Variants in RBFOX1 observed in about 807,000 individuals in gnomAD.
RBFOX1 encodes RNA binding fox-1 homolog 1.
In RBFOX1, 8 loss-of-function variants were observed where a neutral mutation model predicts 57.7. That is an observed-to-expected ratio of 0.14 (90% CI 0.08 to 0.25). RBFOX1 has a LOEUF of 0.25. RBFOX1 is among the 10% of genes least tolerant of loss of function. The pLI, the probability that RBFOX1 is intolerant of heterozygous loss-of-function variation, is 1.00. For synonymous variants in RBFOX1, 326 were observed against 222.4 expected (o/e 1.47, Z -4.15); for missense variants, 611 against 548.5 (o/e 1.11, Z -1.14).
chr16:7,694,980 G>A lies in RBFOX1; in HGVS notation c.996-14076G>A, dbSNP rs766833165. Among the ~76,000 whole-genome samples the A allele has an allele frequency of 3.1e-4, 47 of 152,230 alleles. 1 individual carries two copies. Among genetic ancestry groups the A allele is most frequent in the South Asian group, 6.2e-4 (3 of 4,812 alleles). ...ATGAAAAAGATATTGATTTTGCCCC[G>A]TGACTTAAACCCTGCCTTATAAGCA... On this transcript the variant is annotated intron_variant, in intron 14 of 15. Coordinates refer to ENST00000550418, the MANE Select transcript of RBFOX1 (RefSeq NM_018723.4).
At chr16:6,941,215 C>T (rs957568102) in intron 3 of RBFOX1, among the ~76,000 whole-genome samples, 2 of 149,542 alleles carry the variant, frequency 1.3e-5, no homozygotes, top group African/African-American at 4.9e-5. Context: ...CCCTTCCTTC[C>T]CTCCCATTAC....
At chr16:6,095,726 A>T (rs1038004540) in intron 1 of RBFOX1, among the ~76,000 whole-genome samples, 2 of 152,096 alleles carry the variant, frequency 1.3e-5, no homozygotes, top group African/African-American at 4.8e-5. Context: ...AAAAAAAGAC[A>T]TGGAGTTGAG....
chr16:5,631,300 T>G (rs1596517271), intron 3 of RBFOX1, among the ~76,000 whole-genome samples: 1 of 152,212 alleles, frequency 6.6e-6, no homozygotes, highest in East Asian at 1.9e-4. Flanking sequence ...GGCTTACGCC[T>G]GTAATCCCAG....
intron 3 of RBFOX1, among the ~76,000 whole-genome samples, chr16:5,725,154 G>A (rs1309051408): frequency 6.6e-6 from 1 of 152,230 alleles, no homozygotes; most frequent in Non-Finnish European, 1.5e-5. Context: ...ACCTGTTGCA[G>A]AGGAGGCTAG....
At position 6,778,666 on chromosome 16, in the gene RBFOX1, C is replaced by G. The variant is rs117383943; in HGVS notation, c.-16+124016C>G. 3.2e-4 allele frequency among the ~76,000 whole-genome samples: 48 copies of G among 152,054 alleles called. No homozygotes were observed. In the East Asian group the frequency reaches 8.1e-3, roughly 26 times the overall value. ...TAGTCTATAAAGAGTAAAGAACTTT[C>G]CATTCATATTTTACTCTCTTTTTTC... On this transcript the variant is annotated intron_variant, in intron 3 of 15. Coordinates refer to ENST00000550418, the MANE Select transcript of RBFOX1 (RefSeq NM_018723.4).
At chr16:6,039,463 C>G (rs908710390) in intron 1 of RBFOX1, among the ~76,000 whole-genome samples, 1 of 151,964 alleles carries the variant, frequency 6.6e-6, no homozygotes, top group Admixed American at 6.6e-5. Context: ...GCTTGGAGAC[C>G]GAAGTTCTAT....
At chr16:7,494,009 A>AT (rs1443575867) in intron 4 of RBFOX1, among the ~76,000 whole-genome samples, 2 of 152,094 alleles carry the variant, frequency 1.3e-5, no homozygotes, top group Non-Finnish European at 2.9e-5. Context: ...GGCACCTTTT[A>AT]TTTTTTGAGA....
At chr16:7,572,995 A>G (rs1374613778) in intron 5 of RBFOX1, among the ~76,000 whole-genome samples, 3 of 152,152 alleles carry the variant, frequency 2.0e-5, no homozygotes, top group Admixed American at 1.3e-4. Flanking sequence ...AAGATAGGCA[A>G]TATACAAAAT....
intron 1 of RBFOX1, among the ~76,000 whole-genome samples, chr16:6,126,601 C>T (rs931310427): frequency 1.3e-5 from 2 of 152,168 alleles, no homozygotes; most frequent in Non-Finnish European, 2.9e-5. Context: ...CATTTATGTG[C>T]ATGCTACCAG....
rs2096263831 is a variant in RBFOX1, at chr16:6,097,869, T to C, written c.-127+77877T>C. Reference sequence around the variant, plus strand: ...TTGGAAGTGGGGGACGTGTCTGATTTGTGCATGGCTATTTTGCGATTTGCC... The same window carrying C: ...TTGGAAGTGGGGGACGTGTCTGATTCGTGCATGGCTATTTTGCGATTTGCC... On this transcript the variant is annotated intron_variant, in intron 1 of 15. Transcript: ENST00000550418. This position sits in a 1 kb window ranked among gnomAD's most constrained non-coding sequence, Gnocchi z 5.0. Among the ~76,000 whole-genome samples, 1 of 152,132 alleles carries C rather than the reference T, an allele frequency of 6.6e-6. No homozygotes were observed. Among genetic ancestry groups the C allele is most frequent in the Admixed American group, 6.5e-5 (1 of 15,280 alleles).
At chr16:7,316,686 G>A (rs1367196389) in intron 4 of RBFOX1, among the ~76,000 whole-genome samples, 1 of 152,140 alleles carries the variant, frequency 6.6e-6, no homozygotes, top group Non-Finnish European at 1.5e-5. Context: ...GGATTCAGGG[G>A]TGAGGGAAGC....
intron 2 of RBFOX1, among the ~76,000 whole-genome samples, chr16:6,584,441 C>T (rs9889073): frequency 0.46 from 69,411 of 150,506 alleles, 17,054 homozygotes; most frequent in East Asian, 0.67. Flanking sequence ...GATCTTAGCA[C>T]ACTCCAACCT....
intron 1 of RBFOX1, among the ~76,000 whole-genome samples, chr16:6,229,672 T>C (rs781638546): frequency 3.3e-5 from 5 of 151,314 alleles, no homozygotes; most frequent in Non-Finnish European, 5.9e-5. Context: ...AAAAGCCAAA[T>C]GTAAATATTG....
intron 1 of RBFOX1, among the ~76,000 whole-genome samples, chr16:5,364,193 A>G (rs1466241544): frequency 2.0e-5 from 3 of 152,240 alleles, no homozygotes; most frequent in Non-Finnish European, 4.4e-5. Context: ...CTTCACATTT[A>G]GGAACAACTT....
At chr16:7,181,471 C>T (rs1303314056) in intron 4 of RBFOX1, among the ~76,000 whole-genome samples, 1 of 152,030 alleles carries the variant, frequency 6.6e-6, no homozygotes, top group Non-Finnish European at 1.5e-5. Flanking sequence ...AAAAGTACTA[C>T]CTAAAAGAGA....
chr16:7,024,941 A>G (rs1249908445), intron 3 of RBFOX1, among the ~76,000 whole-genome samples: 2 of 152,124 alleles, frequency 1.3e-5, no homozygotes, highest in African/African-American at 2.4e-5. Flanking sequence ...AGGCCCAGAG[A>G]GGAACAGGAC....
chr16:7,117,501 A>G (rs534120010), intron 4 of RBFOX1, among the ~76,000 whole-genome samples: 56 of 152,210 alleles, frequency 3.7e-4, no homozygotes, highest in African/African-American at 1.3e-3. Flanking sequence ...GAAAATATCT[A>G]TTAACTTACC....
chr16:6,709,724 A>T (rs2063392612), intron 3 of RBFOX1, among the ~76,000 whole-genome samples: 1 of 152,080 alleles, frequency 6.6e-6, no homozygotes, highest in African/African-American at 2.4e-5. Flanking sequence ...TCGGTGGAAC[A>T]GTTCCCTGGT....
chr16:6,902,514 G>C (rs1021879741), intron 3 of RBFOX1, among the ~76,000 whole-genome samples: 2 of 152,130 alleles, frequency 1.3e-5, no homozygotes, highest in East Asian at 1.9e-4. Context: ...TTGAGGGCAG[G>C]AGTTCAAGAC....
Sources: allele counts gnomAD v4.1 joint callset (sites outside exome capture counted in the v4.1 genomes callset), GRCh38; gene constraint gnomAD v4.1.1; non-coding constraint Gnocchi (gnomAD v3.1); transcripts MANE v1.5; gene names NCBI Gene and HGNC (gene_info 2026-07-23, HGNC 2026-07-21).